The following SDK2 variants were observed in gnomAD, a reference collection of about 807,000 sequenced individuals.
The protein encoded by SDK2 is sidekick cell adhesion molecule 2.
In SDK2, 105 loss-of-function variants were observed where a neutral mutation model predicts 253.9. That is an observed-to-expected ratio of 0.41 (90% CI 0.35 to 0.49). The LOEUF is 0.49. Among genes scored for constraint, SDK2 ranks in the 20% least tolerant of loss-of-function variants. SDK2 has a pLI of 0.06. For missense variants in SDK2, 2,608 were observed against 3,003.0 expected (o/e 0.87, Z 3.07); for synonymous variants, 1,249 against 1,234.9 (o/e 1.01, Z -0.24).
At chr17:73,422,478 G>A in intron 14 of SDK2, 44 bp from the exon 15 acceptor site, 1 of 1,595,972 alleles carries the variant, frequency 6.3e-7, no homozygotes, top group Non-Finnish European at 8.6e-7. Context: ...TCTTGGGTGG[G>A]ATGAAGCATG....
chr17:73,559,178 G>T (rs1263659163), intron 1 of SDK2, among the ~76,000 whole-genome samples: 1 of 152,142 alleles, frequency 6.6e-6, no homozygotes, highest in Non-Finnish European at 1.5e-5. Context: ...GAAAGTATTT[G>T]TTCCAGTCAA....
chr17:73,469,984 GCGCGCGCGCACACACA>G (rs1367327125), intron 3 of SDK2, among the ~76,000 whole-genome samples: 2 of 86,770 alleles, frequency 2.3e-5, no homozygotes, highest in African/African-American at 8.6e-5. Flanking sequence ...TTGCGACTGC[GCGCGCGCGCACACACA>G]CACACACACA....
rs1233654835 is a variant in SDK2 at position 73,380,954 on chromosome 17, T to C, written c.4706-4A>G. 5 of 680,408 alleles carry C rather than the reference T, an allele frequency of 7.3e-6. No homozygotes were observed. Among genetic ancestry groups the C allele is most frequent in the Non-Finnish European group, 9.6e-6 (4 of 414,566 alleles). The allele number at this position is 680,408 out of a possible 1,614,324, so 42.1% of individuals were successfully genotyped here. On this transcript the variant is annotated splice_region_variant and splice_polypyrimidine_tract_variant and intron_variant, in intron 33 of 44. Transcript: ENST00000392650. ...AGGTTCCGCATGGAGTACATGGCTATGGGGTGGGGGTGCCGGGGCGGGGGC... is the reference window on the plus strand; with the variant it reads ...AGGTTCCGCATGGAGTACATGGCTACGGGGTGGGGGTGCCGGGGCGGGGGC...
At chr17:73,617,434 C>G (rs2046075554) in intron 1 of SDK2, among the ~76,000 whole-genome samples, 1 of 151,944 alleles carries the variant, frequency 6.6e-6, no homozygotes, top group Admixed American at 6.6e-5. Context: ...GGAAATGAAC[C>G]CAGAGACCCC....
chr17:73,577,055 C>T (rs541178783), intron 1 of SDK2, among the ~76,000 whole-genome samples: 1 of 152,176 alleles, frequency 6.6e-6, no homozygotes, highest in Admixed American at 6.5e-5. Context: ...GGAAGCATGT[C>T]CCCTATGGGA....
rs1356470126 is a variant in SDK2, at chr17:73,435,069, G to A, written c.1195+381C>T. Among the ~76,000 whole-genome samples, 1 of 152,166 alleles carries A rather than the reference G, an allele frequency of 6.6e-6. No individual in the cohort carries two copies. Among genetic ancestry groups the A allele is most frequent in the Non-Finnish European group, 1.5e-5 (1 of 68,034 alleles). ...GAGAAAAACACCAGTTTTCTTCTTT[G>A]GAAACATGAGCAGGTCTTCTGGAAT... On this transcript the variant is annotated intron_variant, in intron 9 of 44. Coordinates refer to ENST00000392650, the MANE Select transcript of SDK2 (RefSeq NM_001144952.2). This position sits in a 1 kb window ranked among gnomAD's most constrained non-coding sequence, Gnocchi z 5.7.
chr17:73,562,006 A>G (rs939656036), intron 1 of SDK2, among the ~76,000 whole-genome samples: 4 of 152,094 alleles, frequency 2.6e-5, no homozygotes, highest in Admixed American at 6.5e-5. Context: ...TGCGCCTGTA[A>G]TCCCAGCTGC....
intron 1 of SDK2, among the ~76,000 whole-genome samples, chr17:73,526,573 G>A (rs2064127549): frequency 6.6e-6 from 1 of 152,174 alleles, no homozygotes; most frequent in Non-Finnish European, 1.5e-5. Context: ...GTGCTTGGAT[G>A]TCATCTGTGG....
In SDK2 at chr17:73,350,277, C is replaced by T. The variant is rs375316369; in HGVS notation, c.5998G>A (p.Val2000Ile). The T allele has an allele frequency of 3.0e-5, 49 of 1,608,824 alleles. No homozygotes were observed. Among genetic ancestry groups the T allele is most frequent in the Middle Eastern group, 1.6e-4 (1 of 6,074 alleles). Residue 2000 changes from valine (V) to isoleucine (I), a missense_variant, in exon 43 of 45, where the codon GTC becomes ATC. By Grantham distance (29) the Val-to-Ile change is conservative. This residue lies in a region of SDK2 where 1,103 missense variants were observed against 1,143.9 expected (regional missense o/e 0.96). Transcript: ENST00000392650. Reference protein sequence around the residue: ...ALELNNRRLSVKNSFCRKNGL... With the variant: ...ALELNNRRLSIKNSFCRKNGL... ...TTCTTTCGGCAGAAAGAGTTCTTGA[C>T]GGAGAGCCGCCTGTTGTTGAGTTCC... is the stretch of plus-strand genomic sequence containing the variant.
chr17:73,583,465 T>C (rs1248636953), intron 1 of SDK2, among the ~76,000 whole-genome samples: 2 of 152,060 alleles, frequency 1.3e-5, no homozygotes, highest in Non-Finnish European at 2.9e-5. Context: ...CCCATCTCTA[T>C]TCTAAGGCAT....
intron 1 of SDK2, among the ~76,000 whole-genome samples, chr17:73,588,059 G>A (rs1226603670): frequency 6.6e-6 from 1 of 152,138 alleles, no homozygotes; most frequent in African/African-American, 2.4e-5. Flanking sequence ...TGAAACAGCA[G>A]CACCTGGAAG....
chr17:73,485,240 C>T (rs1432990374), intron 2 of SDK2, among the ~76,000 whole-genome samples: 1 of 152,008 alleles, frequency 6.6e-6, no homozygotes, highest in African/African-American at 2.4e-5. Flanking sequence ...CTCCTGAGGG[C>T]AGGAAGGCTC....
chr17:73,419,138 G>A (rs1185575103), intron 16 of SDK2, 28 bp downstream of exon 16: 2 of 1,607,796 alleles, frequency 1.2e-6, no homozygotes, highest in African/African-American at 2.7e-5. Flanking sequence ...CTTGGGACTG[G>A]GCTCCTGTCC....
chr17:73,413,231 T>C (rs2063154195), intron 18 of SDK2, among the ~76,000 whole-genome samples: 2 of 151,912 alleles, frequency 1.3e-5, no homozygotes, highest in South Asian at 4.2e-4. Flanking sequence ...ACTGTGGATG[T>C]GAGGGATCTA....
Position 73,643,978 on chromosome 17 carries a change from C to CCAA in SDK2, c.64+46_64+47insTTG. On this transcript the variant is annotated intron_variant, in intron 1 of 44. Transcript: ENST00000392650. This position sits in a 1 kb window ranked among gnomAD's most constrained non-coding sequence, Gnocchi z 6.9. ...CAGCTCCCGCCGCCCCTCCCCCGCC[C>CCAA]ACTCTCCCAGCCCCCTCCCTGTCCC... 8.2e-7 allele frequency: 1 copy of CCAA among 1,223,466 alleles called. No homozygotes were observed. Among genetic ancestry groups the CCAA allele is most frequent in the Non-Finnish European group, 1.2e-6 (1 of 858,384 alleles). 75.8% of individuals were successfully genotyped at this position (1,223,466 alleles called of 1,614,324 possible).
intron 1 of SDK2, 50 bp from the exon 2 acceptor site, chr17:73,507,647 T>C: frequency 6.5e-7 from 1 of 1,531,964 alleles, no homozygotes; most frequent in Non-Finnish European, 8.8e-7. Flanking sequence ...CTCACCTATG[T>C]GACCTGGTGC....
At chr17:73,601,021 A>T (rs901577112) in intron 1 of SDK2, among the ~76,000 whole-genome samples, 4 of 151,606 alleles carry the variant, frequency 2.6e-5, no homozygotes, top group African/African-American at 9.7e-5. Context: ...TTTAAAAAAA[A>T]ATTTTTTTTT....
chr17:73,399,211 T>C lies in SDK2; in HGVS notation c.3050A>G (p.Tyr1017Cys). 1.2e-6 allele frequency: 2 copies of C among 1,613,940 alleles called. No individual in the cohort carries two copies. Among genetic ancestry groups the C allele is most frequent in the Non-Finnish European group, 1.7e-6 (2 of 1,179,864 alleles). ...RSVTLQFRPG[Y>C]DGKTSISRWL... ...GCGGGAGATGGAGGTTTTCCCATCG[T>C]AGCCTGGCCTGAACTGCAAGGTCAC... The change falls in exon 22 of 45, where the codon TAC becomes TGC. Residue 1017 changes from tyrosine (Y) to cysteine (C), a missense_variant. Tyr to Cys is a radical substitution (Grantham distance 194, BLOSUM62 -2). This residue lies in a region of SDK2 where 1,505 missense variants were observed against 1,859.1 expected (regional missense o/e 0.81). Coordinates refer to ENST00000392650, the MANE Select transcript of SDK2 (RefSeq NM_001144952.2).
At chr17:73,580,034 G>A (rs2045513397) in intron 1 of SDK2, among the ~76,000 whole-genome samples, 1 of 151,916 alleles carries the variant, frequency 6.6e-6, no homozygotes, top group African/African-American at 2.4e-5. Context: ...CACACAGAGG[G>A]AAGATGATGT....
Sources: allele counts gnomAD v4.1 joint callset (sites outside exome capture counted in the v4.1 genomes callset), GRCh38; gene constraint gnomAD v4.1.1; regional missense constraint gnomAD v4.1.1; non-coding constraint Gnocchi (gnomAD v3.1); transcripts MANE v1.5; gene names NCBI Gene and HGNC (gene_info 2026-07-23, HGNC 2026-07-21).